SYTL2: variants seen among roughly 807,000 people sequenced by gnomAD.
The protein encoded by SYTL2 is synaptotagmin-like protein 2.
SYTL2 carries 165 observed loss-of-function variants against 198.7 expected under a neutral mutation model. The ratio of observed to expected loss-of-function variants is 0.83; its 90% CI spans 0.73 to 0.94. The LOEUF (loss-of-function observed/expected upper bound fraction) is 0.94. SYTL2 is among the 40% of genes least tolerant of loss of function. The probability of loss-of-function intolerance (pLI) is 0.00; values close to 1 mark genes in which losing one functional copy is unlikely to be tolerated. For synonymous variants in SYTL2, 966 were observed against 917.7 expected (o/e 1.05, Z -0.95); for missense variants, 2,835 against 2,582.8 (o/e 1.10, Z -2.12).
the SYTL2 span, among the ~76,000 whole-genome samples, chr11:85,829,145 T>C: frequency 3.9e-5 from 6 of 152,058 alleles, no homozygotes; most frequent in Non-Finnish European, 5.9e-5. Flanking sequence ...GTATATTATG[T>C]GATGCTGAAG....
the SYTL2 span, among the ~76,000 whole-genome samples, chr11:85,831,868 A>G: frequency 6.6e-6 from 1 of 151,316 alleles, no homozygotes; most frequent in Non-Finnish European, 1.5e-5. Flanking sequence ...TAAGCTGCAC[A>G]TACTTAAAAT....
At position 85,725,103 on chromosome 11, in the gene SYTL2, G is replaced by A. The variant is rs1565923140; in HGVS notation, c.4255C>T (p.Pro1419Ser). The A allele has an allele frequency of 6.2e-7, 1 of 1,614,158 alleles. No homozygotes were observed. Among genetic ancestry groups the A allele is most frequent in the Admixed American group, 1.7e-5 (1 of 60,028 alleles). The part of the protein sequence containing the change: ...SPLNPPGVIS[P>S]WATMDTIVPD... Reference sequence around the variant, plus strand: ...ACTATGGTGTCCATCGTAGCCCATGGTGATATCACTCCTGGAGGATTTAGG... The same window carrying A: ...ACTATGGTGTCCATCGTAGCCCATGATGATATCACTCCTGGAGGATTTAGG... Residue 1419 changes from proline to serine, a missense_variant, in exon 8 of 20, where the codon CCA (proline) becomes TCA (serine). Physicochemically the swap from Pro to Ser is moderately conservative, Grantham distance 74. Coordinates refer to ENST00000359152, the MANE Select transcript of SYTL2 (RefSeq NM_206927.4).
At chr11:85,751,671 T>C (rs1591898068) in intron 2 of SYTL2, among the ~76,000 whole-genome samples, 1 of 152,336 alleles carries the variant, frequency 6.6e-6, no homozygotes, top group Admixed American at 6.5e-5. Flanking sequence ...GGTCATTCTC[T>C]CGTTCATTCT....
chr11:85,749,470 T>C (rs1446420143), intron 2 of SYTL2, among the ~76,000 whole-genome samples: 1 of 152,148 alleles, frequency 6.6e-6, no homozygotes, highest in Non-Finnish European at 1.5e-5. Context: ...CAGCGCTGCA[T>C]GTAAGGGTTG....
intron 12 of SYTL2, among the ~76,000 whole-genome samples, chr11:85,712,725 CT>C (rs1053317736): frequency 2.7e-5 from 4 of 149,462 alleles, no homozygotes; most frequent in South Asian, 2.1e-4. Flanking sequence ...CACACACACA[CT>C]TTTTTTTTCA....
At chr11:85,774,554 C>A (rs2092417323) in intron 1 of SYTL2, among the ~76,000 whole-genome samples, 1 of 152,116 alleles carries the variant, frequency 6.6e-6, no homozygotes, top group Non-Finnish European at 1.5e-5. Context: ...AAATACCGAG[C>A]TTTGCAAGAT....
intron 3 of SYTL2, 57 bp from the exon 4 acceptor site, chr11:85,745,829 C>G: frequency 9.0e-6 from 14 of 1,549,342 alleles, no homozygotes; most frequent in Non-Finnish European, 1.1e-5. Context: ...TGACCTACAA[C>G]TCTCTTATCA....
At position 85,724,545 on chromosome 11, in the gene SYTL2, A is replaced by C; in HGVS notation, c.4813T>G (p.Leu1605Val). Residue 1605 changes from leucine (L) to valine (V), a missense_variant, in exon 8 of 20, where the codon TTG becomes GTG. This residue lies in a region of SYTL2 where 2,645 missense variants were observed against 2,381.7 expected (regional missense o/e 1.11). Transcript: ENST00000359152. ...CTGTAAAAATGGGGCACTGTCCCCA[A>C]GAACCTGGTCTGCTCTGACTGTGAG... is the stretch of plus-strand genomic sequence containing the variant. ...ESSQSEQTRF[L>V]GTVPHFYRAA... 1 of 1,614,068 alleles carries C rather than the reference A, an allele frequency of 6.2e-7. No individual in the cohort carries two copies. The highest frequency in any genetic ancestry group is 8.5e-7 in the Non-Finnish European group (1 of 1,180,020).
intron 1 of SYTL2, among the ~76,000 whole-genome samples, chr11:85,776,101 C>T (rs977493731): frequency 6.6e-6 from 1 of 152,120 alleles, no homozygotes; most frequent in African/African-American, 2.4e-5. Context: ...AAAAGAGCTA[C>T]CCAGTTCTCT....
At chr11:85,779,848 C>T (rs900794389) in intron 1 of SYTL2, among the ~76,000 whole-genome samples, 2 of 152,098 alleles carry the variant, frequency 1.3e-5, no homozygotes, top group African/African-American at 4.8e-5. Flanking sequence ...AGAGAGGGGC[C>T]ATGATTTTAG....
Position 85,727,512 on chromosome 11 carries a change from T to A in SYTL2, c.1846A>T (p.Met616Leu). The A allele has an allele frequency of 4.6e-6, 7 of 1,536,132 alleles. No homozygotes were observed. Among genetic ancestry groups the A allele is most frequent in the Non-Finnish European group, 6.1e-6 (7 of 1,146,894 alleles). ...GGGGTGCCTTTTTGGGACAAATTCA[T>A]GAATTTGGATTTGATATTCACATTA... ...DNNVNIKSKF[M>L]NLSQKGTPKE... Residue 616 changes from methionine (M) to leucine (L), a missense_variant, in exon 8 of 20, where the codon ATG becomes TTG. Coordinates refer to ENST00000359152, the MANE Select transcript of SYTL2 (RefSeq NM_206927.4).
chr11:85,725,672 T>G lies in SYTL2; in HGVS notation c.3686A>C (p.Gln1229Pro), dbSNP rs200304062. 3.7e-4 allele frequency: 597 copies of G among 1,614,086 alleles called. 2 individuals carry two copies. The highest frequency in any genetic ancestry group is 1.6e-3 in the Admixed American group (97 of 60,022). ...EATGTSPSPLQAKLAPVITGT... is the reference protein window; with the variant it reads ...EATGTSPSPLPAKLAPVITGT... ...AGTGATAACAGGCGCCAACTTGGCT[T>G]GCAAGGGAGAGGGTGAAGTTCCAGT... is the stretch of plus-strand genomic sequence containing the variant. Residue 1229 changes from glutamine (Q) to proline (P), a missense_variant, in exon 8 of 20, where the codon CAA (glutamine) becomes CCA (proline). Around this residue, in one of 3 missense-constraint regions of SYTL2, gnomAD observed 2,645 missense variants for 2,381.7 expected, o/e 1.11. Coordinates refer to ENST00000359152, the MANE Select transcript of SYTL2 (RefSeq NM_206927.4).
the SYTL2 span, among the ~76,000 whole-genome samples, chr11:85,818,811 C>T: frequency 2.6e-5 from 4 of 152,142 alleles, no homozygotes; most frequent in African/African-American, 9.7e-5. Context: ...CCACCTCAGC[C>T]TCCAGAGTAG....
intron 1 of SYTL2, among the ~76,000 whole-genome samples, chr11:85,800,255 A>C (rs1592074180): frequency 6.6e-6 from 1 of 152,148 alleles, no homozygotes; most frequent in South Asian, 2.1e-4. Context: ...CCAGGTTCAA[A>C]GGTCTAGTAT....
chr11:85,798,277 C>T (rs998210444), intron 1 of SYTL2, among the ~76,000 whole-genome samples: 4 of 152,170 alleles, frequency 2.6e-5, no homozygotes, highest in African/African-American at 7.2e-5. Flanking sequence ...TAAAGCTTGA[C>T]ACTTATTTCT....
chr11:85,759,475 T>C (rs1052357933), intron 1 of SYTL2, among the ~76,000 whole-genome samples: 2 of 152,194 alleles, frequency 1.3e-5, no homozygotes, highest in East Asian at 3.8e-4. Context: ...TCACAGATTG[T>C]AAGGATTAAA....
Position 85,714,753 on chromosome 11 carries a change from G to C in SYTL2, c.5531-246C>G, listed in dbSNP as rs1325385976. On this transcript the variant is annotated intron_variant, in intron 11 of 19. Transcript: ENST00000359152. ...AACAAAGTTAATTTTAAAAACATTA[G>C]TTTTTATTGAACTGGAGCTGCACTT... The C allele has an allele frequency of 2.9e-6, 3 of 1,050,500 alleles. No individual in the cohort carries two copies. In the Admixed American group the frequency reaches 1.2e-4, roughly 44 times the overall value. The allele number at this position is 1,050,500 out of a possible 1,614,324, so 65.1% of individuals were successfully genotyped here.
At chr11:85,709,956 T>TA (rs1321382637) in intron 13 of SYTL2, among the ~76,000 whole-genome samples, 1 of 152,220 alleles carries the variant, frequency 6.6e-6, no homozygotes, top group Non-Finnish European at 1.5e-5. Flanking sequence ...GTGCTGGAAT[T>TA]ACAGGCATGA....
intron 1 of SYTL2, among the ~76,000 whole-genome samples, chr11:85,794,915 A>G (rs956810707): frequency 6.6e-6 from 1 of 151,906 alleles, no homozygotes; most frequent in Non-Finnish European, 1.5e-5. Context: ...CAATAAAGAG[A>G]TGGTCTTTCA....
Sources: allele counts gnomAD v4.1 joint callset (sites outside exome capture counted in the v4.1 genomes callset), GRCh38; gene constraint gnomAD v4.1.1; regional missense constraint gnomAD v4.1.1; transcripts MANE v1.5; gene names NCBI Gene and HGNC (gene_info 2026-07-23, HGNC 2026-07-21).